DGKI: variants seen among roughly 807,000 people sequenced by gnomAD.
DGKI encodes the protein diacylglycerol kinase iota.
DGKI carries 55 observed loss-of-function variants against 147.5 expected under a neutral mutation model. The observed-to-expected ratio is 0.37, with a 90% confidence interval of 0.30 to 0.47. The LOEUF (loss-of-function observed/expected upper bound fraction) is 0.47. Ranked by LOEUF, DGKI falls within the 20% of genes least tolerant of loss-of-function variation. The probability of loss-of-function intolerance (pLI) is 1.00; values close to 1 mark genes in which losing one functional copy is unlikely to be tolerated. For synonymous variants in DGKI, 469 were observed against 477.1 expected, an observed-to-expected ratio of 0.98 and a Z score of 0.22; for missense variants, 1,007 against 1,323.8, an observed-to-expected ratio of 0.76 and a Z score of 3.71.
intron 3 of DGKI, among the ~76,000 whole-genome samples, chr7:137,670,729 G>A (rs1822814117): frequency 6.6e-6 from 1 of 152,206 alleles, no homozygotes; most frequent in Non-Finnish European, 1.5e-5. Context: ...TCAGAGAGCG[G>A]GCTTTGCCTC....
chr7:137,835,083 C>A (rs544933710), intron 1 of DGKI, among the ~76,000 whole-genome samples: 1 of 152,316 alleles, frequency 6.6e-6, no homozygotes, highest in African/African-American at 2.4e-5. Context: ...ACAATGAAAT[C>A]TTGGCACCAT....
chr7:137,723,152 T>C (rs1794617583), intron 1 of DGKI, among the ~76,000 whole-genome samples: 1 of 152,208 alleles, frequency 6.6e-6, no homozygotes, highest in South Asian at 2.1e-4. Context: ...TGAAGTACCC[T>C]CCTCAGGGAG....
chr7:137,657,605 A>G (rs1375437381), intron 3 of DGKI, among the ~76,000 whole-genome samples: 1 of 152,188 alleles, frequency 6.6e-6, no homozygotes, highest in Non-Finnish European at 1.5e-5. Context: ...TGAGCCTGAA[A>G]GAAATGTACT....
At chr7:137,419,068 CTT>C (rs1812462960) in intron 28 of DGKI, among the ~76,000 whole-genome samples, 1 of 152,204 alleles carries the variant, frequency 6.6e-6, no homozygotes, top group African/African-American at 2.4e-5. Context: ...ACAAAGGACT[CTT>C]GTTTCATTTA....
intron 1 of DGKI, among the ~76,000 whole-genome samples, chr7:137,777,619 T>C (rs1796399599): frequency 6.6e-6 from 1 of 152,244 alleles, no homozygotes; most frequent in South Asian, 2.1e-4. Flanking sequence ...TCTCAACAGA[T>C]GAAATATTGG....
At chr7:137,840,379 C>A (rs915148597) in intron 1 of DGKI, among the ~76,000 whole-genome samples, 2 of 152,230 alleles carry the variant, frequency 1.3e-5, no homozygotes, top group African/African-American at 4.8e-5. Flanking sequence ...ATGGTCAGGA[C>A]TCCAGGAATG....
At chr7:137,395,534 C>T in intron 32 of DGKI, 64 bp downstream of exon 32, 3 of 1,498,252 alleles carry the variant, frequency 2.0e-6, no homozygotes, top group Non-Finnish European at 2.8e-6. Flanking sequence ...TGGTCACAAG[C>T]AAAGGCAACA....
At chr7:137,824,132 T>C (rs1243571556) in intron 1 of DGKI, among the ~76,000 whole-genome samples, 2 of 152,156 alleles carry the variant, frequency 1.3e-5, no homozygotes, top group Admixed American at 1.3e-4. Context: ...GTTAGTAGCA[T>C]GTGATGTATA....
chr7:137,669,182 G>T (rs759154574), intron 3 of DGKI, among the ~76,000 whole-genome samples: 9 of 152,074 alleles, frequency 5.9e-5, no homozygotes, highest in Non-Finnish European at 8.8e-5. Context: ...TTAAATGAAG[G>T]CATCAATGCA....
At chr7:137,443,425 T>C (rs188766221) in intron 28 of DGKI, among the ~76,000 whole-genome samples, 1 of 152,328 alleles carries the variant, frequency 6.6e-6, no homozygotes, top group Admixed American at 6.5e-5. Flanking sequence ...CCATATAGCA[T>C]ATTTGTAAAA....
intron 1 of DGKI, among the ~76,000 whole-genome samples, chr7:137,713,810 C>T (rs899534623): frequency 6.6e-6 from 1 of 152,016 alleles, no homozygotes; most frequent in Non-Finnish European, 1.5e-5. Context: ...TCTGACTTAT[C>T]TATTTATTTG....
At chr7:137,585,635 C>T (rs1819366820) in intron 13 of DGKI, among the ~76,000 whole-genome samples, 1 of 152,130 alleles carries the variant, frequency 6.6e-6, no homozygotes, top group Admixed American at 6.5e-5. Context: ...TGGATGGCTA[C>T]TTTGTTATCA....
At chr7:137,783,434 A>T (rs184322736) in intron 1 of DGKI, among the ~76,000 whole-genome samples, 65 of 152,332 alleles carry the variant, frequency 4.3e-4, no homozygotes, top group East Asian at 5.8e-4. Flanking sequence ...ACAAAGAAAA[A>T]AGAATTTTAA....
intron 1 of DGKI, among the ~76,000 whole-genome samples, chr7:137,774,410 C>A (rs879765764): frequency 6.6e-6 from 1 of 152,050 alleles, no homozygotes; most frequent in African/African-American, 2.4e-5. Flanking sequence ...TTCCACTATA[C>A]CAAATCAACT....
chr7:137,727,682 T>C (rs1218949132), intron 1 of DGKI, among the ~76,000 whole-genome samples: 1 of 152,200 alleles, frequency 6.6e-6, no homozygotes, highest in Non-Finnish European at 1.5e-5. Flanking sequence ...GACTACATTT[T>C]TTCTTAAGTT....
intron 21 of DGKI, among the ~76,000 whole-genome samples, chr7:137,502,207 A>AAGT (rs1816199320): frequency 6.6e-6 from 1 of 152,170 alleles, no homozygotes; most frequent in Admixed American, 6.5e-5. Flanking sequence ...GGGTTCAAGG[A>AAGT]AGTAGCATTG....
At chr7:137,742,939 T>A (rs1051766036) in intron 1 of DGKI, among the ~76,000 whole-genome samples, 1 of 152,114 alleles carries the variant, frequency 6.6e-6, no homozygotes, top group Non-Finnish European at 1.5e-5. Flanking sequence ...AAAATTATAG[T>A]GAAGTCACAA....
intron 26 of DGKI, among the ~76,000 whole-genome samples, chr7:137,464,182 G>A (rs543857698): frequency 1.7e-4 from 25 of 151,062 alleles, no homozygotes; most frequent in East Asian, 1.2e-3. Context: ...GCATGAACCC[G>A]GGAGGCGGAG....
At chr7:137,502,194 TG>T in intron 21 of DGKI, among the ~76,000 whole-genome samples, 1 of 152,266 alleles carries the variant, frequency 6.6e-6, no homozygotes, top group Non-Finnish European at 1.5e-5. Context: ...GGCCTAAGCC[TG>T]GGGGTTCAAG....
Sources: gnomAD v4.1 joint callset for allele counts (sites outside exome capture counted in the v4.1 genomes callset) on GRCh38, gnomAD v4.1.1 for gene constraint, MANE v1.5 for transcripts, NCBI Gene and HGNC (gene_info 2026-07-23, HGNC 2026-07-21) for gene names.